The following WWP1 variants were observed in gnomAD, a reference collection of about 807,000 sequenced individuals.
The protein encoded by WWP1 is WW domain containing E3 ubiquitin protein ligase 1.
In WWP1, 49 loss-of-function variants were observed where a neutral mutation model predicts 130.6. That is an observed-to-expected ratio of 0.38 (90% CI 0.30 to 0.48). The LOEUF (loss-of-function observed/expected upper bound fraction) is 0.48. Among genes scored for constraint, WWP1 ranks in the 20% least tolerant of loss-of-function variants. WWP1 has a pLI of 0.99. For missense variants in WWP1, 809 were observed against 1,100.6 expected (o/e 0.74, Z 3.75); for synonymous variants, 332 against 367.8 (o/e 0.90, Z 1.11).
intron 1 of WWP1, among the ~76,000 whole-genome samples, chr8:86,343,744 A>G (rs1211103482): frequency 1.3e-5 from 2 of 152,140 alleles, no homozygotes. Context: ...TCAGAATAAA[A>G]TATTTTCCAG....
At chr8:86,437,097 T>A (rs892894073) in intron 16 of WWP1, among the ~76,000 whole-genome samples, 2 of 152,212 alleles carry the variant, frequency 1.3e-5, no homozygotes, top group African/African-American at 4.8e-5. Context: ...GGAAGAATCA[T>A]GGTCTATTTG....
intron 11 of WWP1, among the ~76,000 whole-genome samples, chr8:86,428,854 T>C (rs572018409): frequency 1.1e-4 from 17 of 152,298 alleles, no homozygotes; most frequent in African/African-American, 4.1e-4. Flanking sequence ...ACATATAGCT[T>C]TGTTTTTGGT....
At position 86,452,596 on chromosome 8, in the gene WWP1, G is replaced by A. The variant is rs1265962051; in HGVS notation, c.2311G>A (p.Glu771Lys). ...TEWRFSRGVQ[E>K]QTKAFLDGFN... ...ATGGCGTTTTTCTCGAGGAGTACAAGAACAGACCAAAGCTTTCCTTGATGG... is the reference window on the plus strand; with the variant it reads ...ATGGCGTTTTTCTCGAGGAGTACAAAAACAGACCAAAGCTTTCCTTGATGG... The change falls in exon 21 of 25, where the codon GAA becomes AAA. Residue 771 changes from glutamate (E) to lysine (K), a missense_variant. Glu to Lys is a moderately conservative substitution (Grantham distance 56). This residue lies in a region of WWP1 where 450 missense variants were observed against 674.2 expected (regional missense o/e 0.67). Coordinates refer to ENST00000517970, the MANE Select transcript of WWP1 (RefSeq NM_007013.4). 6 of 1,612,736 alleles carry A rather than the reference G, an allele frequency of 3.7e-6. No homozygotes were observed. The highest frequency in any genetic ancestry group is 4.2e-6 in the Non-Finnish European group (5 of 1,179,392).
intron 7 of WWP1, among the ~76,000 whole-genome samples, chr8:86,400,346 T>A (rs1807905457): frequency 6.6e-6 from 1 of 151,000 alleles, no homozygotes; most frequent in South Asian, 2.1e-4. Flanking sequence ...GGGAAAAAAA[T>A]AAATAAATAA....
At chr8:86,347,327 A>AT (rs1198729625) in intron 1 of WWP1, among the ~76,000 whole-genome samples, 2 of 152,256 alleles carry the variant, frequency 1.3e-5, no homozygotes, top group African/African-American at 4.8e-5. Flanking sequence ...CTAAAAAAAA[A>AT]GTTTAAAAAG....
At chr8:86,370,985 C>T (rs377717874) in intron 2 of WWP1, among the ~76,000 whole-genome samples, 8 of 148,842 alleles carry the variant, frequency 5.4e-5, no homozygotes, top group African/African-American at 2.0e-4. Flanking sequence ...CCTGCCTCAG[C>T]CTCCTGAGTA....
At chr8:86,390,516 A>T (rs961564426) in intron 5 of WWP1, among the ~76,000 whole-genome samples, 6 of 152,184 alleles carry the variant, frequency 3.9e-5, no homozygotes, top group African/African-American at 1.4e-4. Flanking sequence ...AACACGGCGA[A>T]ACCCCGTCTC....
intron 3 of WWP1, among the ~76,000 whole-genome samples, chr8:86,374,651 A>G (rs928987518): frequency 6.6e-6 from 1 of 152,250 alleles, no homozygotes; most frequent in South Asian, 2.1e-4. Context: ...ACTGTAGTCT[A>G]TAAGTACCAT....
intron 9 of WWP1, 40 bp from the exon 10 acceptor site, chr8:86,425,183 T>C: frequency 1.3e-6 from 2 of 1,523,028 alleles, no homozygotes; most frequent in Admixed American, 1.9e-5. Flanking sequence ...ATTGTCCTAG[T>C]GTGTTGTCTC....
chr8:86,451,082 A>T (rs560021379), intron 20 of WWP1, among the ~76,000 whole-genome samples: 22 of 151,306 alleles, frequency 1.5e-4, no homozygotes, highest in African/African-American at 3.4e-4. Context: ...AAATTTTTTT[A>T]AAAAATTAGC....
Position 86,343,550 on chromosome 8 carries a change from C to G in WWP1, c.-115+620C>G, listed in dbSNP as rs145903511. 2.8e-3 allele frequency among the ~76,000 whole-genome samples: 424 copies of G among 151,284 alleles called. 6 individuals are homozygous for G. The highest frequency in any genetic ancestry group is 0.024 in the Admixed American group (362 of 15,120). ...CAGACTCTCCTTTCATCTTCGTGTT[C>G]TTTTTTTAAAAAAATTTAATTTTGT... On this transcript the variant is annotated intron_variant, in intron 1 of 24. Coordinates refer to ENST00000517970, the MANE Select transcript of WWP1 (RefSeq NM_007013.4).
Position 86,445,979 on chromosome 8 carries a change from T to TTCTTTTCTTTC in WWP1, c.1999-2168_1999-2167insCTTTTCTTTCT, listed in dbSNP as rs1245913180. On this transcript the variant is annotated intron_variant, in intron 18 of 24. Transcript: ENST00000517970. ...TTCTTTTCTTTTCTTTTCTTTTCTTTTTTTTTTTTTTTTTTTTTTGAGACA... is the reference window on the plus strand; with the variant it reads ...TTCTTTTCTTTTCTTTTCTTTTCTTTTCTTTTCTTTCTTTTTTTTTTTTTTTTTTTGAGACA... Among the ~76,000 whole-genome samples, 635 of 71,760 alleles carry TTCTTTTCTTTC rather than the reference T, an allele frequency of 8.8e-3. 2 individuals are homozygous for TTCTTTTCTTTC. Among genetic ancestry groups the TTCTTTTCTTTC allele is most frequent in the Non-Finnish European group, 0.013 (507 of 37,558 alleles). 47.1% of individuals were successfully genotyped at this position (71,760 alleles called of 152,430 possible).
At chr8:86,407,173 A>C (rs1291276037) in intron 8 of WWP1, among the ~76,000 whole-genome samples, 1 of 152,196 alleles carries the variant, frequency 6.6e-6, no homozygotes, top group Non-Finnish European at 1.5e-5. Flanking sequence ...ACTATTACAT[A>C]AGATTTTAAT....
intron 1 of WWP1, among the ~76,000 whole-genome samples, chr8:86,362,015 T>G (rs893962776): frequency 2.1e-5 from 3 of 143,838 alleles, no homozygotes; most frequent in African/African-American, 7.7e-5. Context: ...CACATATATA[T>G]ATACACATAT....
At chr8:86,368,383 G>T (rs1824094067) in intron 1 of WWP1, among the ~76,000 whole-genome samples, 1 of 152,056 alleles carries the variant, frequency 6.6e-6, no homozygotes, top group South Asian at 2.1e-4. Context: ...CAATGAAGTG[G>T]GAAATTTTAG....
chr8:86,440,384 T>TTTGAATATACATTGCATAATGTTGCATAA (rs1491113422), intron 17 of WWP1, among the ~76,000 whole-genome samples: 1 of 152,222 alleles, frequency 6.6e-6, no homozygotes, highest in Non-Finnish European at 1.5e-5. Context: ...TCCTACAGTC[T>TTTGAATATACATTGCATAATGTTGCATAA]TTGCATAATG....
At chr8:86,441,086 G>A (rs1347831419) in intron 17 of WWP1, among the ~76,000 whole-genome samples, 1 of 152,178 alleles carries the variant, frequency 6.6e-6, no homozygotes, top group Non-Finnish European at 1.5e-5. Context: ...AGCATCAGAG[G>A]AAAAGAGTAG....
At chr8:86,348,380 G>A (rs749352767) in intron 1 of WWP1, among the ~76,000 whole-genome samples, 2 of 152,038 alleles carry the variant, frequency 1.3e-5, no homozygotes, top group African/African-American at 4.8e-5. Context: ...CACCACACCT[G>A]GCTAATTTTG....
chr8:86,418,275 A>G (rs1809000205), intron 9 of WWP1, among the ~76,000 whole-genome samples: 1 of 152,164 alleles, frequency 6.6e-6, no homozygotes, highest in Admixed American at 6.5e-5. Flanking sequence ...AACTTTGTGG[A>G]GCGTATGGTC....
Sources: allele counts gnomAD v4.1 joint callset (sites outside exome capture counted in the v4.1 genomes callset), GRCh38; gene constraint gnomAD v4.1.1; regional missense constraint gnomAD v4.1.1; transcripts MANE v1.5; gene names NCBI Gene and HGNC (gene_info 2026-07-23, HGNC 2026-07-21).